The following SAMD3 variants were observed in gnomAD, a reference collection of about 807,000 sequenced individuals.
SAMD3 encodes sterile alpha motif domain-containing protein 3.
SAMD3 carries 63 observed loss-of-function variants against 58.5 expected under a neutral mutation model. That is an observed-to-expected ratio of 1.08 (90% CI 0.88 to 1.33). The LOEUF is 1.33. Among genes scored for constraint, SAMD3 ranks in the 40% most tolerant of loss-of-function variants. The probability of loss-of-function intolerance (pLI) is 0.00; values close to 1 mark genes in which losing one functional copy is unlikely to be tolerated. For synonymous variants in SAMD3, 220 were observed against 210.3 expected, an observed-to-expected ratio of 1.05 and a Z score of -0.40; for missense variants, 604 against 608.4, an observed-to-expected ratio of 0.99 and a Z score of 0.08.
chr6:130,323,063 A>G (rs985202008), intron 1 of SAMD3, among the ~76,000 whole-genome samples: 1 of 152,240 alleles, frequency 6.6e-6, no homozygotes, highest in Non-Finnish European at 1.5e-5. Flanking sequence ...ACAAGCAGTT[A>G]CCATGGAGCA....
intron 2 of SAMD3, among the ~76,000 whole-genome samples, chr6:130,304,419 C>T (rs1421099412): frequency 2.0e-5 from 3 of 152,182 alleles, no homozygotes; most frequent in Non-Finnish European, 4.4e-5. Flanking sequence ...ATTCACCCGC[C>T]TCGGCCTCCC....
intron 8 of SAMD3, among the ~76,000 whole-genome samples, chr6:130,165,251 T>C (rs1790623667): frequency 6.6e-6 from 1 of 152,170 alleles, no homozygotes. Flanking sequence ...CTGTTACTTA[T>C]TTAAAACGCT....
At chr6:130,290,281 GGTGTT>G (rs1775321302) in intron 2 of SAMD3, among the ~76,000 whole-genome samples, 1 of 152,062 alleles carries the variant, frequency 6.6e-6, no homozygotes, top group Non-Finnish European at 1.5e-5. Context: ...AGGAAGAGCT[GGTGTT>G]GTAGTATAGA....
At chr6:130,263,279 T>C (rs1774207516) in intron 2 of SAMD3, among the ~76,000 whole-genome samples, 1 of 152,222 alleles carries the variant, frequency 6.6e-6, no homozygotes, top group African/African-American at 2.4e-5. Flanking sequence ...TTAAAAATTA[T>C]ATACTTGGTT....
chr6:130,362,238 G>A (rs1778009567), intron 1 of SAMD3, among the ~76,000 whole-genome samples: 9 of 152,224 alleles, frequency 5.9e-5, no homozygotes, highest in Admixed American at 5.9e-4. Flanking sequence ...ATGTTGCTGA[G>A]TTGCAGAGTA....
intron 9 of SAMD3, among the ~76,000 whole-genome samples, chr6:130,147,765 T>G (rs1270715242): frequency 3.3e-5 from 5 of 152,232 alleles, no homozygotes; most frequent in Non-Finnish European, 7.3e-5. Flanking sequence ...GGATCCCATA[T>G]GAGATTTAGA....
At chr6:130,154,653 G>C (rs1223636252) in intron 9 of SAMD3, among the ~76,000 whole-genome samples, 172 bp downstream of exon 9, 2 of 139,998 alleles carry the variant, frequency 1.4e-5, no homozygotes, top group Non-Finnish European at 3.0e-5. Flanking sequence ...GAGATCGCAG[G>C]CCATTGCACT....
intron 4 of SAMD3, among the ~76,000 whole-genome samples, chr6:130,213,637 C>A (rs1272222872): frequency 6.6e-6 from 1 of 152,054 alleles, no homozygotes; most frequent in Non-Finnish European, 1.5e-5. Flanking sequence ...GATCCCAGGG[C>A]ATAGATGGAT....
chr6:130,237,865 T>C (rs1773220339), intron 2 of SAMD3, among the ~76,000 whole-genome samples: 1 of 152,176 alleles, frequency 6.6e-6, no homozygotes, highest in South Asian at 2.1e-4. Context: ...ATGTTTGTGA[T>C]TATTAAAAGG....
intron 2 of SAMD3, among the ~76,000 whole-genome samples, chr6:130,240,433 G>T (rs962059396): frequency 1.3e-5 from 2 of 152,222 alleles, no homozygotes; most frequent in African/African-American, 4.8e-5. Flanking sequence ...ACAGACGTCT[G>T]TGGGATCAGA....
chr6:130,283,837 A>G (rs1775068733), intron 2 of SAMD3, among the ~76,000 whole-genome samples: 1 of 152,116 alleles, frequency 6.6e-6, no homozygotes, highest in Non-Finnish European at 1.5e-5. Flanking sequence ...AATATAAAGA[A>G]GGATTGTTAT....
intron 7 of SAMD3, among the ~76,000 whole-genome samples, chr6:130,182,391 T>A (rs1432364572): frequency 6.6e-6 from 1 of 152,116 alleles, no homozygotes; most frequent in Non-Finnish European, 1.5e-5. Context: ...TAACTATCAT[T>A]TTTCCAGACA....
At chr6:130,155,122 AG>A in intron 8 of SAMD3, 97 bp from the exon 9 acceptor site, 3 of 848,610 alleles carry the variant, frequency 3.5e-6, no homozygotes, top group South Asian at 1.6e-5. Context: ...TCCTAAGGTG[AG>A]TATCACCATA....
intron 2 of SAMD3, among the ~76,000 whole-genome samples, chr6:130,267,703 G>A (rs889235137): frequency 1.3e-5 from 2 of 152,172 alleles, no homozygotes; most frequent in Non-Finnish European, 2.9e-5. Context: ...AGCAAGTGAT[G>A]TTATCTACAG....
In SAMD3 at chr6:130,255,831, C is replaced by T. The variant is rs187180073; in HGVS notation, c.-187-33018G>A. Among the ~76,000 whole-genome samples, 667 of 151,278 alleles carry T rather than the reference C, an allele frequency of 4.4e-3. 3 individuals are homozygous for T. The highest frequency in any genetic ancestry group is 8.3e-3 in the Admixed American group (126 of 15,186). ...ATTAAAAGTAAAGTTAGTCTCATGT[C>T]GGCAACATATAGTTGGGTCTTGTCT... On this transcript the variant is annotated intron_variant, in intron 2 of 13. Transcript: ENST00000368134.
At chr6:130,356,997 T>G (rs528518079) in intron 1 of SAMD3, among the ~76,000 whole-genome samples, 1 of 152,332 alleles carries the variant, frequency 6.6e-6, no homozygotes, top group South Asian at 2.1e-4. Flanking sequence ...TACCTTTGTA[T>G]CTACTGTATC....
At chr6:130,149,291 T>A (rs1788917428) in intron 9 of SAMD3, among the ~76,000 whole-genome samples, 1 of 152,374 alleles carries the variant, frequency 6.6e-6, no homozygotes, top group Non-Finnish European at 1.5e-5. Flanking sequence ...TGTAAATTAG[T>A]TCAGCCACTG....
In SAMD3 at chr6:130,158,034, A is replaced by G. The variant is rs1889624; in HGVS notation, c.823-3009T>C. Among the ~76,000 whole-genome samples the G allele has an allele frequency of 9.4e-3, 1,436 of 152,282 alleles. 10 individuals are homozygous for G. Among genetic ancestry groups the G allele is most frequent in the Non-Finnish European group, 0.016 (1,064 of 68,016 alleles). ...AATGTGGAAGACTTTTAAGAAAATT[A>G]TGAAACTATAAAATATTAATGAGAC... On this transcript the variant is annotated intron_variant, in intron 8 of 11. Transcript: ENST00000439090.
At chr6:130,241,679 T>C (rs1448635679) in intron 2 of SAMD3, among the ~76,000 whole-genome samples, 4 of 152,092 alleles carry the variant, frequency 2.6e-5, no homozygotes, top group African/African-American at 9.7e-5. Context: ...TTAATACTAA[T>C]ATGAACACAA....
Sources: allele counts gnomAD v4.1 joint callset (sites outside exome capture counted in the v4.1 genomes callset), GRCh38; gene constraint gnomAD v4.1.1; transcripts MANE v1.5; gene names NCBI Gene and HGNC (gene_info 2026-07-23, HGNC 2026-07-21).